Variants in MAST1 observed in about 807,000 individuals in gnomAD.
MAST1 encodes microtubule associated serine/threonine kinase 1.
A neutral mutation model predicts 124.6 loss-of-function variants in MAST1; 40 were observed. The ratio of observed to expected loss-of-function variants is 0.32; its 90% CI spans 0.25 to 0.42. MAST1 has a LOEUF of 0.42. MAST1 is among the 10% of genes least tolerant of loss of function. The probability of loss-of-function intolerance (pLI) is 1.00; values close to 1 mark genes in which losing one functional copy is unlikely to be tolerated. For missense variants in MAST1, 1,558 were observed against 2,181.9 expected (o/e 0.71, Z 5.70); for synonymous variants, 938 against 939.4 (o/e 1.00, Z 0.03).
chr19:12,870,973 G>T lies in MAST1; in HGVS notation c.3126+27G>T, dbSNP rs778403139. The T allele has an allele frequency of 3.1e-6, 5 of 1,613,428 alleles. No individual in the cohort carries two copies. In the African/African-American group the frequency reaches 6.7e-5, roughly 22 times the overall value. On this transcript the variant is annotated intron_variant, in intron 23 of 25. Transcript: ENST00000251472. ...TGAGTGCAGGGAAGGAGGCACCCTG[G>T]GCGGAGGGTGGGGGAGGCCTGAGCA...
chr19:12,842,491 C>T (rs937907533), intron 3 of MAST1, among the ~76,000 whole-genome samples: 1 of 152,046 alleles, frequency 6.6e-6, no homozygotes, highest in Non-Finnish European at 1.5e-5. Flanking sequence ...TGGGGTTTCA[C>T]CAGGTTGGTC....
intron 20 of MAST1, 68 bp from the exon 21 acceptor site, chr19:12,868,575 C>A: frequency 7.3e-7 from 1 of 1,373,212 alleles, no homozygotes; most frequent in Non-Finnish European, 9.9e-7. Flanking sequence ...GCATTCCAGG[C>A]AGGGAAACAG....
intron 4 of MAST1, among the ~76,000 whole-genome samples, chr19:12,846,998 G>A (rs1568407918): frequency 6.6e-6 from 1 of 152,056 alleles, no homozygotes; most frequent in Non-Finnish European, 1.5e-5. Flanking sequence ...AACTGGGGAA[G>A]GACTTGGGTG....
Position 12,858,660 on chromosome 19 carries a change from C to A in MAST1, c.1287C>A (p.Ala429=). The A allele has an allele frequency of 6.2e-7, 1 of 1,614,238 alleles. No homozygotes were observed. The change falls in exon 12 of 26, where the codon GCC becomes GCA. Residue 429 remains alanine (A), a synonymous_variant. Coordinates refer to ENST00000251472, the MANE Select transcript of MAST1 (RefSeq NM_014975.3). The part of the protein sequence containing the change: ...AFVERDILTF[A]ENPFVVGMFC... The stretch of plus-strand genomic sequence containing the variant: ...TGGAGCGCGATATCCTCACCTTCGC[C>A]GAGAACCCGTTTGTGGTCGGCATGT...
At position 12,868,754 on chromosome 19, in the gene MAST1, C is replaced by T. The variant is rs1439323473; in HGVS notation, c.2678C>T (p.Ser893Leu). The change falls in exon 21 of 26, where the codon TCA (serine) becomes TTA (leucine). Residue 893 changes from serine to leucine, a missense_variant. Coordinates refer to ENST00000251472, the MANE Select transcript of MAST1 (RefSeq NM_014975.3). ...CGCCGGGCGCGGCACCAGCAGATGT[C>T]AGGGGATGTGGCAGTAGAGAAGAGG... Reference protein sequence around the residue: ...VLRRARHQQMSGDVAVEKRPS... With the variant: ...VLRRARHQQMLGDVAVEKRPS... 8 of 1,612,714 alleles carry T rather than the reference C, an allele frequency of 5.0e-6. No homozygotes were observed. Among genetic ancestry groups the T allele is most frequent in the East Asian group, 2.2e-5 (1 of 44,852 alleles).
At chr19:12,871,209 T>C in intron 24 of MAST1, 37 bp downstream of exon 24, 3 of 1,611,774 alleles carry the variant, frequency 1.9e-6, no homozygotes, top group Non-Finnish European at 2.5e-6. Context: ...CTTTGAGCAG[T>C]GGGTGGAACT....
At chr19:12,859,020 T>C in intron 12 of MAST1, 2 of 515,072 alleles carry the variant, frequency 3.9e-6, no homozygotes, top group South Asian at 6.5e-5. Flanking sequence ...CTAATCCATC[T>C]GTTTTTCCAT....
Position 12,843,169 on chromosome 19 carries a change from G to T in MAST1, c.249-360G>T, listed in dbSNP as rs1969852250. ...GGGACGGGTCTTTTTTCTCTGAGAA[G>T]ATCCAAGGGTCTCCCTCAGAGCTTT... is the stretch of plus-strand genomic sequence containing the variant. On this transcript the variant is annotated intron_variant, in intron 3 of 25. Coordinates refer to ENST00000251472, the MANE Select transcript of MAST1 (RefSeq NM_014975.3). This position sits in a 1 kb window ranked among gnomAD's most constrained non-coding sequence, Gnocchi z 4.9. 6.6e-6 allele frequency among the ~76,000 whole-genome samples: 1 copy of T among 150,652 alleles called. No individual in the cohort carries two copies. The highest frequency in any genetic ancestry group is 2.4e-5 in the African/African-American group (1 of 40,904).
intron 4 of MAST1, among the ~76,000 whole-genome samples, chr19:12,844,391 G>T (rs907605876): frequency 6.6e-6 from 1 of 152,210 alleles, no homozygotes; most frequent in Non-Finnish European, 1.5e-5. Flanking sequence ...TGGTAGGCGG[G>T]TTCTGCAAGC....
Position 12,865,261 on chromosome 19 carries a change from C to A in MAST1, c.1639-55C>A, listed in dbSNP as rs529153449. The A allele has an allele frequency of 6.3e-7, 1 of 1,583,218 alleles. No homozygotes were observed. The highest frequency in any genetic ancestry group is 8.6e-7 in the Non-Finnish European group (1 of 1,163,888). On this transcript the variant is annotated intron_variant, in intron 14 of 25. Coordinates refer to ENST00000251472, the MANE Select transcript of MAST1 (RefSeq NM_014975.3). This position sits in a 1 kb window ranked among gnomAD's most constrained non-coding sequence, Gnocchi z 7.1. ...ACCCAGGGCCTGGTGGGGGGCACAG[C>A]TCTCCCTTGAGGGCCCTCCTCTGGC...
At chr19:12,850,311 A>G (rs1285468179) in intron 7 of MAST1, among the ~76,000 whole-genome samples, 2 of 152,170 alleles carry the variant, frequency 1.3e-5, no homozygotes, top group Non-Finnish European at 2.9e-5. Context: ...GGAGCCCAGG[A>G]GTTGCAGACC....
At position 12,847,442 on chromosome 19, in the gene MAST1, G is replaced by A. The variant is rs1277836656; in HGVS notation, c.480G>A (p.Arg160=). 1 of 1,613,666 alleles carries A rather than the reference G, an allele frequency of 6.2e-7. No individual in the cohort carries two copies. The highest frequency in any genetic ancestry group is 2.2e-5 in the East Asian group (1 of 44,860). The change falls in exon 5 of 26, where the codon CGG becomes CGA. Residue 160 remains arginine, a synonymous_variant. Coordinates refer to ENST00000251472, the MANE Select transcript of MAST1 (RefSeq NM_014975.3). The surrounding 1 kb of genome is among the most constrained non-coding windows in gnomAD (Gnocchi z 5.5). ...RRSPAVRPRS[R]SLSPGRSPSS... ...CCCCAGCCGTGCGGCCCCGCTCACG[G>A]AGCCTCAGGTGGGCAGGCATCCCTC...
At chr19:12,854,419 GC>G (rs749851319) in intron 10 of MAST1, among the ~76,000 whole-genome samples, 1 of 152,226 alleles carries the variant, frequency 6.6e-6, no homozygotes, top group South Asian at 2.1e-4. Flanking sequence ...CACATGCCTG[GC>G]CTTTTTCTGG....
chr19:12,845,529 A>AG (rs1377521954), intron 4 of MAST1, among the ~76,000 whole-genome samples: 1 of 149,826 alleles, frequency 6.7e-6, no homozygotes, highest in African/African-American at 2.5e-5. Flanking sequence ...GGTTGCAGTG[A>AG]GTGGAGGTCG....
In MAST1 at chr19:12,867,841, C is replaced by A. The variant is rs56114354; in HGVS notation, c.2430C>A (p.Pro810=). ...TGGAGCCCAGCCGCTTCAGCGCCCC[C>A]CAAGAGGACGAGGATGAGGCCCGGC... ...ALLEPSRFSA[P]QEDEDEARLR... is the part of the protein sequence containing the mutation. Residue 810 remains proline, a synonymous_variant, in exon 20 of 26, where the codon CCC becomes CCA. Coordinates refer to ENST00000251472, the MANE Select transcript of MAST1 (RefSeq NM_014975.3). 2.5e-6 allele frequency: 4 copies of A among 1,603,542 alleles called. No individual in the cohort carries two copies. Among genetic ancestry groups the A allele is most frequent in the Middle Eastern group, 1.7e-4 (1 of 6,036 alleles).
In MAST1 at chr19:12,847,837, C is replaced by T. The variant is rs1326425060; in HGVS notation, c.565-11C>T. ...GCACAGCCCCGCGCCCCTCCTCCGTCCCTCCCGCAGGCCACTGCGCAGATG... is the reference window on the plus strand; with the variant it reads ...GCACAGCCCCGCGCCCCTCCTCCGTTCCTCCCGCAGGCCACTGCGCAGATG... On this transcript the variant is annotated splice_polypyrimidine_tract_variant and intron_variant, in intron 6 of 25. Coordinates refer to ENST00000251472, the MANE Select transcript of MAST1 (RefSeq NM_014975.3). This position sits in a 1 kb window ranked among gnomAD's most constrained non-coding sequence, Gnocchi z 5.5. The T allele has an allele frequency of 4.4e-6, 7 of 1,604,644 alleles. No homozygotes were observed. Among genetic ancestry groups the T allele is most frequent in the Non-Finnish European group, 6.0e-6 (7 of 1,175,820 alleles).
At chr19:12,870,734 T>C (rs2145912869) in intron 22 of MAST1, 90 bp from the exon 23 acceptor site, 3 of 1,364,274 alleles carry the variant, frequency 2.2e-6, no homozygotes, top group Non-Finnish European at 3.0e-6. Context: ...TTCTAATGCA[T>C]GCAGAGCTAA....
At position 12,864,701 on chromosome 19, in the gene MAST1, C is replaced by T. The variant is rs1970128431; in HGVS notation, c.1367-108C>T. 6.9e-6 allele frequency: 10 copies of T among 1,440,442 alleles called. 1 individual carries two copies. In the South Asian group the frequency reaches 1.2e-4, roughly 18 times the overall value. The allele number at this position is 1,440,442 out of a possible 1,614,324, so 89.2% of individuals were successfully genotyped here. On this transcript the variant is annotated intron_variant, in intron 12 of 25. Coordinates refer to ENST00000251472, the MANE Select transcript of MAST1 (RefSeq NM_014975.3). ...AGGCCCCTCTCAGAGCCTCAGTTTC[C>T]CTTATCTATAAAACGGGTACAACAT...
chr19:12,874,521 C>T lies in MAST1; in HGVS notation c.4364C>T (p.Ala1455Val), dbSNP rs1003114124. 59 of 1,535,466 alleles carry T rather than the reference C, an allele frequency of 3.8e-5. No individual in the cohort carries two copies. The highest frequency in any genetic ancestry group is 4.9e-5 in the Non-Finnish European group (56 of 1,144,090). The change falls in exon 26 of 26, where the codon GCG becomes GTG. Residue 1455 changes from alanine to valine, a missense_variant. Physicochemically the swap from Ala to Val is moderately conservative, Grantham distance 64 (BLOSUM62 0). Transcript: ENST00000251472. This position sits in a 1 kb window ranked among gnomAD's most constrained non-coding sequence, Gnocchi z 6.6. ...AKAVVPQPLG[A>V]DSKGLQEPAP... is the part of the protein sequence containing the mutation. ...GCTGTGGTGCCTCAGCCTCTGGGCG[C>T]GGACTCCAAGGGGTTGCAGGAACCC... is the stretch of plus-strand genomic sequence containing the variant.
Sources: gnomAD v4.1 joint callset for allele counts (sites outside exome capture counted in the v4.1 genomes callset) on GRCh38, gnomAD v4.1.1 for gene constraint, Gnocchi (gnomAD v3.1) non-coding constraint, MANE v1.5 for transcripts, NCBI Gene and HGNC (gene_info 2026-07-23, HGNC 2026-07-21) for gene names.